Variants in KRT25 observed in about 807,000 individuals in gnomAD.
KRT25 encodes keratin 25.
In KRT25, 37 loss-of-function variants were observed where a neutral mutation model predicts 47.6. That is an observed-to-expected ratio of 0.78 (90% confidence interval 0.60 to 1.02). The LOEUF is 1.02. Among genes scored for constraint, KRT25 ranks in the 50% least tolerant of loss-of-function variants. The pLI is 0.00. For synonymous variants in KRT25, 203 were observed against 210.2 expected (o/e 0.97, Z 0.30); for missense variants, 542 against 550.3 (o/e 0.98, Z 0.15).
chr17:40,751,447 C>G (rs1426373834), intron 3 of KRT25, 121 bp from the exon 4 acceptor site: 3 of 1,049,036 alleles, frequency 2.9e-6, no homozygotes, highest in Non-Finnish European at 2.7e-6. Flanking sequence ...TGCATTGACC[C>G]CCTCCCACCA....
chr17:40,750,689 A>G, intron 5 of KRT25, 92 bp from the exon 6 acceptor site: 4 of 1,551,502 alleles, frequency 2.6e-6, no homozygotes, highest in Non-Finnish European at 1.8e-6. Flanking sequence ...TTAACTTTAC[A>G]TATAATTGTT....
At position 40,754,983 on chromosome 17, in the gene KRT25, CA is replaced by C. The variant is rs768906104; in HGVS notation, c.288del (p.Ser96ArgfsTer41). 2.5e-6 allele frequency: 4 copies of C among 1,614,074 alleles called. No homozygotes were observed. The African/African-American group carries it at 5.3e-5, about 22-fold the overall frequency. The part of the protein sequence containing the change: ...LNDRLASYLD[S>X]VHALEEANAD... ...GCGTTGGCCTCCTCCAGAGCATGCA[CA>C]CTGTCCAGGTAGGATGCCAGGCGGT... On this transcript the variant is annotated frameshift_variant, in exon 1 of 8. Transcript: ENST00000312150. LOFTEE classifies it high-confidence loss of function.
At chr17:40,751,432 G>A in intron 3 of KRT25, 106 bp from the exon 4 acceptor site, 1 of 1,265,378 alleles carries the variant, frequency 7.9e-7, no homozygotes, top group Non-Finnish European at 1.1e-6. Context: ...TCCCCTCCCA[G>A]GCTGTGCATT....
chr17:40,754,615 G>T (rs1341340814), intron 1 of KRT25, 147 bp from the exon 2 acceptor site: 4 of 822,908 alleles, frequency 4.9e-6, no homozygotes, highest in Non-Finnish European at 7.7e-6. Flanking sequence ...CTACTTGGGA[G>T]GCTGAGGCAG....
At position 40,751,034 on chromosome 17, in the gene KRT25, T is replaced by G. The variant is rs781172752; in HGVS notation, c.877A>C (p.Thr293Pro). Reference sequence around the variant, plus strand: ...TCAGTCAGCTCATTCCGGGCTGAGGTTGTGGCTCCGACATCCTCAGAGATC... The same window carrying G: ...TCAGTCAGCTCATTCCGGGCTGAGGGTGTGGCTCCGACATCCTCAGAGATC... ...QQISEDVGAT[T>P]SARNELTEMK... The change falls in exon 5 of 8, where the codon ACC (threonine) becomes CCC (proline). Residue 293 changes from threonine to proline, a missense_variant. By Grantham distance (38) the Thr-to-Pro change is conservative. Coordinates refer to ENST00000312150, the MANE Select transcript of KRT25 (RefSeq NM_181534.4). 6.2e-7 allele frequency: 1 copy of G among 1,614,084 alleles called. No individual in the cohort carries two copies.
chr17:40,751,338 A>G lies in KRT25; in HGVS notation c.670-12T>C, dbSNP rs1414034699. 1.2e-5 allele frequency: 20 copies of G among 1,603,602 alleles called. No homozygotes were observed. In the East Asian group the frequency reaches 1.3e-4, roughly 11 times the overall value. On this transcript the variant is annotated splice_polypyrimidine_tract_variant and intron_variant, in intron 3 of 7. Coordinates refer to ENST00000312150, the MANE Select transcript of KRT25 (RefSeq NM_181534.4). ...AGAACTTGCATTTCCTAGAGGCAGA[A>G]AAGTGTTCTGCTCAGCTCTGCAGGA...
At position 40,753,932 on chromosome 17, in the gene KRT25, G is replaced by A; in HGVS notation, c.597C>T (p.Cys199=). ...LRRVLDEITL[C]RTDLEIQYET... ...CATACTGAATCTCCAGATCTGTTCT[G>A]CACAGGGTTATTTCATCCAAAACTC... Residue 199 remains cysteine (C), a synonymous_variant, in exon 3 of 8, where the codon TGC becomes TGT. Coordinates refer to ENST00000312150, the MANE Select transcript of KRT25 (RefSeq NM_181534.4). 1 of 1,613,824 alleles carries A rather than the reference G, an allele frequency of 6.2e-7. No individual in the cohort carries two copies. Among genetic ancestry groups the A allele is most frequent in the Non-Finnish European group, 8.5e-7 (1 of 1,179,842 alleles).
rs1013092159 is a variant in KRT25 at position 40,750,998 on chromosome 17, T to C, written c.913A>G (p.Thr305Ala). 6 of 1,613,960 alleles carry C rather than the reference T, an allele frequency of 3.7e-6. No individual in the cohort carries two copies. The highest frequency in any genetic ancestry group is 1.3e-5 in the African/African-American group (1 of 74,942). Residue 305 changes from threonine to alanine, a missense_variant, in exon 5 of 8, where the codon ACT (threonine) becomes GCT (alanine). Thr to Ala is a moderately conservative substitution (Grantham distance 58). Coordinates refer to ENST00000312150, the MANE Select transcript of KRT25 (RefSeq NM_181534.4). ...ARNELTEMKR[T>A]LQTLEIELQS... is the part of the protein sequence containing the mutation. ...AGTTCAATTTCCAGGGTTTGAAGAG[T>C]GCGCTTCATTTCAGTCAGCTCATTC...
At position 40,755,182 on chromosome 17, in the gene KRT25, A is replaced by G. The variant is rs2038095420; in HGVS notation, c.90T>C (p.Phe30=). The change falls in exon 1 of 8, where the codon TTT becomes TTC. Residue 30 remains phenylalanine, a synonymous_variant. Transcript: ENST00000312150. ...SLRLYGGGTS[F]GTGNSCGISG... is the part of the protein sequence containing the mutation. ...AAATGCCACAAGAATTTCCAGTACC[A>G]AAGCTGGTTCCCCCACCATAGAGTC... 3 of 1,614,114 alleles carry G rather than the reference A, an allele frequency of 1.9e-6. No homozygotes were observed. Among genetic ancestry groups the G allele is most frequent in the Non-Finnish European group, 2.5e-6 (3 of 1,180,050 alleles).
chr17:40,753,575 T>A (rs2038071291), intron 3 of KRT25, among the ~76,000 whole-genome samples: 2 of 150,730 alleles, frequency 1.3e-5, no homozygotes, highest in Non-Finnish European at 3.0e-5. Flanking sequence ...TCCCAGCTAC[T>A]CGGGAGGCTG....
At chr17:40,751,438 G>A in intron 3 of KRT25, 112 bp from the exon 4 acceptor site, 1 of 1,179,370 alleles carries the variant, frequency 8.5e-7, no homozygotes. Context: ...CCCAGGCTGT[G>A]CATTGACCCC....
Position 40,755,054 on chromosome 17 carries a change from C to T in KRT25, c.218G>A (p.Gly73Glu), listed in dbSNP as rs1205429320. 4.3e-6 allele frequency: 7 copies of T among 1,614,144 alleles called. No individual in the cohort carries two copies. The highest frequency in any genetic ancestry group is 1.7e-5 in the Admixed American group (1 of 60,020). ...CACCTTCTCATTGCCAGAAAGGAGCCCCCGCTCATTCACAGTGAAGCCAGC... is the reference window on the plus strand; with the variant it reads ...CACCTTCTCATTGCCAGAAAGGAGCTCCCGCTCATTCACAGTGAAGCCAGC... ...PCAGFTVNER[G>E]LLSGNEKVTM... Residue 73 changes from glycine to glutamate, a missense_variant, in exon 1 of 8, where the codon GGG becomes GAG. Transcript: ENST00000312150.
chr17:40,751,111 A>G, intron 4 of KRT25, 32 bp from the exon 5 acceptor site: 2 of 1,614,102 alleles, frequency 1.2e-6, no homozygotes, highest in East Asian at 2.2e-5. Flanking sequence ...AGCAAATCTT[A>G]GTTTTGTGAA....
chr17:40,754,146 G>C, intron 2 of KRT25, 130 bp from the exon 3 acceptor site: 1 of 918,642 alleles, frequency 1.1e-6, no homozygotes, highest in Non-Finnish European at 1.7e-6. Context: ...TTCAAAGCTT[G>C]TTGTATAATA....
rs73985739 is a variant in KRT25, at chr17:40,749,500, C to T, written c.1176-175G>A. Among the ~76,000 whole-genome samples, 555 of 152,282 alleles carry T rather than the reference C, an allele frequency of 3.6e-3. 3 individuals carry two copies. The highest frequency in any genetic ancestry group is 0.013 in the African/African-American group (520 of 41,552). On this transcript the variant is annotated intron_variant, in intron 6 of 7. Transcript: ENST00000312150. Reference sequence around the variant, plus strand: ...ACCTTCTCCATTGCTGATATCAAGTCACCAAGTGACATCACTAAGTGAGGG... The same window carrying T: ...ACCTTCTCCATTGCTGATATCAAGTTACCAAGTGACATCACTAAGTGAGGG...
chr17:40,754,584 G>T, intron 1 of KRT25, 116 bp from the exon 2 acceptor site: 1 of 955,154 alleles, frequency 1.0e-6, no homozygotes, highest in Non-Finnish European at 1.6e-6. Context: ...AGGGCATGGT[G>T]GCAGGCACCT....
At chr17:40,754,320 G>T in intron 2 of KRT25, 66 bp downstream of exon 2, 1 of 1,301,912 alleles carries the variant, frequency 7.7e-7, no homozygotes, top group Non-Finnish European at 1.1e-6. Context: ...AATAAGAGTT[G>T]CTAAATTTGA....
chr17:40,752,236 T>C (rs1362837737), intron 3 of KRT25, among the ~76,000 whole-genome samples: 3 of 152,210 alleles, frequency 2.0e-5, no homozygotes, highest in Non-Finnish European at 2.9e-5. Flanking sequence ...ATTATCATCA[T>C]GGAAGCTGGA....
chr17:40,753,324 A>G (rs1362336779), intron 3 of KRT25, among the ~76,000 whole-genome samples: 1 of 151,730 alleles, frequency 6.6e-6, no homozygotes, highest in Non-Finnish European at 1.5e-5. Context: ...TCTGGAAAAC[A>G]TGATTCGTTT....
Sources: gnomAD v4.1 joint callset for allele counts (sites outside exome capture counted in the v4.1 genomes callset) on GRCh38, gnomAD v4.1.1 for gene constraint, MANE v1.5 for transcripts, NCBI Gene and HGNC (gene_info 2026-07-23, HGNC 2026-07-21) for gene names.